The following PPP2R5C variants were observed in gnomAD, a reference collection of about 807,000 sequenced individuals.
PPP2R5C encodes serine/threonine-protein phosphatase 2A 56 kDa regulatory subunit gamma isoform.
In PPP2R5C, 7 loss-of-function variants were observed where a neutral mutation model predicts 68.9. That is an observed-to-expected ratio of 0.10 (90% CI 0.06 to 0.19). The LOEUF (loss-of-function observed/expected upper bound fraction) is 0.19. Among genes scored for constraint, PPP2R5C ranks in the 10% least tolerant of loss-of-function variants. The pLI is 1.00. For missense variants in PPP2R5C, 348 were observed against 641.3 expected (o/e 0.54, Z 4.94); for synonymous variants, 210 against 222.2 (o/e 0.95, Z 0.49).
Position 101,831,721 on chromosome 14 carries a change from G to A in PPP2R5C, c.94+21685G>A, listed in dbSNP as rs1040789689. 43 of 697,624 alleles carry A rather than the reference G, an allele frequency of 6.2e-5. No individual in the cohort carries two copies. Among genetic ancestry groups the A allele is most frequent in the Middle Eastern group, 2.3e-4 (1 of 4,390 alleles). The allele number at this position is 697,624 out of a possible 1,614,324, so 43.2% of individuals were successfully genotyped here. A position where few individuals can be genotyped will look rare whatever the true frequency, so the allele number is the denominator to read the frequency against. On this transcript the variant is annotated intron_variant, in intron 1 of 13. Transcript: ENST00000334743. Reference sequence around the variant, plus strand: ...TGCAGATTGCAAATGCACAAGATTCGAGACCTATGTATACAGAGGGCCAAC... The same window carrying A: ...TGCAGATTGCAAATGCACAAGATTCAAGACCTATGTATACAGAGGGCCAAC...
intron 8 of PPP2R5C, among the ~76,000 whole-genome samples, chr14:101,895,066 T>C (rs1311651946): frequency 1.3e-5 from 2 of 152,224 alleles, no homozygotes; most frequent in African/African-American, 2.4e-5. Flanking sequence ...CGTGGATCTG[T>C]AATTTTTTTT....
At chr14:101,860,637 G>C (rs554895692) in intron 2 of PPP2R5C, among the ~76,000 whole-genome samples, 10 of 152,282 alleles carry the variant, frequency 6.6e-5, no homozygotes, top group Admixed American at 5.9e-4. Context: ...ACCATTTTAC[G>C]TTTGTATCAG....
chr14:101,884,895 G>A (rs761506867), intron 5 of PPP2R5C, among the ~76,000 whole-genome samples: 17 of 152,234 alleles, frequency 1.1e-4, no homozygotes, highest in Non-Finnish European at 1.6e-4. Context: ...TCCCCACTGC[G>A]GTGGCACCAA....
At position 101,763,055 on chromosome 14, in the gene PPP2R5C, T is replaced by C. The variant is rs564333849; in HGVS notation, c.93+85T>C. ...AAACCGAGAGTGATAAAGCCTAGAA[T>C]CTTCTAAAATGTTTCCCTATGTGAG... On this transcript the variant is annotated intron_variant, in intron 2 of 14. Coordinates refer to the PPP2R5C transcript ENST00000328724. 3 of 1,199,148 alleles carry C rather than the reference T, an allele frequency of 2.5e-6. No homozygotes were observed. The East Asian group carries it at 7.7e-5, about 31-fold the overall frequency. The allele number at this position is 1,199,148 out of a possible 1,614,324, so 74.3% of individuals were successfully genotyped here.
intron 2 of PPP2R5C, among the ~76,000 whole-genome samples, chr14:101,863,424 T>C (rs1227032424): frequency 6.6e-6 from 1 of 152,050 alleles, no homozygotes; most frequent in African/African-American, 2.4e-5. Context: ...ATTTCTGTGG[T>C]TTAATTTATA....
At chr14:101,848,152 CCTTAT>C (rs1186208045) in intron 1 of PPP2R5C, among the ~76,000 whole-genome samples, 2 of 152,128 alleles carry the variant, frequency 1.3e-5, no homozygotes, top group African/African-American at 2.4e-5. Context: ...TCACCTAGAT[CCTTAT>C]CTTAATTGGG....
intron 2 of PPP2R5C, among the ~76,000 whole-genome samples, chr14:101,864,979 G>A (rs2042968784): frequency 6.6e-6 from 1 of 152,170 alleles, no homozygotes; most frequent in African/African-American, 2.4e-5. Flanking sequence ...CGGCTTTGAT[G>A]GCAGAGAGAA....
intron 1 of PPP2R5C, chr14:101,838,949 CAGG>C (rs2041287914): frequency 6.6e-6 from 1 of 151,086 alleles, no homozygotes. Context: ...GAGGCTGAGG[CAGG>C]AGAATCACTT....
upstream of PPP2R5C, chr14:101,761,765 G>C (rs1212696451): frequency 2.1e-6 from 2 of 965,486 alleles, no homozygotes; most frequent in African/African-American, 3.8e-5. Context: ...GAGAGCAAGC[G>C]AAAGACTCAG....
chr14:101,763,404 A>G (rs61993981), intron 2 of PPP2R5C, among the ~76,000 whole-genome samples: 3 of 150,126 alleles, frequency 2.0e-5, no homozygotes, highest in Non-Finnish European at 4.4e-5. Context: ...TTTTTTTTTA[A>G]TAGAGTCTCA....
chr14:101,815,892 A>G (rs999407227), intron 1 of PPP2R5C, among the ~76,000 whole-genome samples: 1 of 151,682 alleles, frequency 6.6e-6, no homozygotes, highest in African/African-American at 2.4e-5. Context: ...CTGCTCTCGA[A>G]CTCCTGACCT....
intron 13 of PPP2R5C, among the ~76,000 whole-genome samples, chr14:101,918,518 CCCCCCTCATCCCCCTCGCTCCTCTCG>C (rs2046822425): frequency 3.4e-5 from 1 of 29,286 alleles, no homozygotes; most frequent in East Asian, 2.0e-3. Context: ...TCTCCCCTCG[CCCCCCTCATCCCCCTCGCTCCTCTCG>C]CCCCCCCACC....
chr14:101,762,949 A>G (rs1444260729), exon 2 of PPP2R5C: 1 of 1,580,886 alleles, frequency 6.3e-7, no homozygotes, highest in Non-Finnish European at 8.6e-7. Context: ...CAAAAGAAGG[A>G]CAAGACACAG....
chr14:101,813,269 T>C (rs1434644472), intron 1 of PPP2R5C, among the ~76,000 whole-genome samples: 2 of 152,244 alleles, frequency 1.3e-5, no homozygotes, highest in Admixed American at 1.3e-4. Context: ...TGTTCGACTT[T>C]TTTGGAAAAG....
At chr14:101,911,017 G>T (rs2046354128) in intron 11 of PPP2R5C, among the ~76,000 whole-genome samples, 2 of 152,072 alleles carry the variant, frequency 1.3e-5, no homozygotes, top group Admixed American at 6.5e-5. Context: ...GCAGGAGAAT[G>T]GTGTGAACCT....
At chr14:101,819,402 G>A in intron 1 of PPP2R5C, 1 of 275,850 alleles carries the variant, frequency 3.6e-6, no homozygotes, top group South Asian at 6.7e-5. Context: ...TGCCCTGGTG[G>A]TGCAAAGGCA....
At chr14:101,872,219 C>CT (rs386382344) in intron 2 of PPP2R5C, among the ~76,000 whole-genome samples, 3,639 of 91,104 alleles carry the variant, frequency 0.04, 129 homozygotes, top group African/African-American at 0.067. Flanking sequence ...TTTCTTTTGC[C>CT]TTTTTTTTTT....
chr14:101,806,939 G>A (rs1359902789), upstream of PPP2R5C, among the ~76,000 whole-genome samples: 18 of 152,172 alleles, frequency 1.2e-4, no homozygotes, highest in Admixed American at 1.0e-3. Flanking sequence ...TCCAGCCTGG[G>A]TGACAGAGCA....
chr14:101,869,599 C>CT (rs1171675033), intron 2 of PPP2R5C, among the ~76,000 whole-genome samples: 1 of 152,090 alleles, frequency 6.6e-6, no homozygotes, highest in Non-Finnish European at 1.5e-5. Context: ...GTCATCAGTC[C>CT]TTTTATCTCA....
Sources: gnomAD v4.1 joint callset for allele counts (sites outside exome capture counted in the v4.1 genomes callset) on GRCh38, gnomAD v4.1.1 for gene constraint, MANE v1.5 for transcripts, NCBI Gene and HGNC (gene_info 2026-07-23, HGNC 2026-07-21) for gene names.